The following STXBP4 variants were observed in gnomAD, a reference collection of about 807,000 sequenced individuals.
STXBP4 encodes syntaxin-binding protein 4.
Under a neutral mutation model 76.1 loss-of-function variants are expected in STXBP4, and 55 were observed. The ratio of observed to expected loss-of-function variants is 0.72; its 90% confidence interval spans 0.58 to 0.91. The LOEUF is 0.91. STXBP4 is among the 40% of genes least tolerant of loss of function. The probability of loss-of-function intolerance (pLI) is 0.00; values close to 1 mark genes in which losing one functional copy is unlikely to be tolerated. For synonymous variants in STXBP4, 201 were observed against 220.2 expected, an observed-to-expected ratio of 0.91 and a Z score of 0.77; for missense variants, 618 against 636.9, an observed-to-expected ratio of 0.97 and a Z score of 0.32.
intron 12 of STXBP4, among the ~76,000 whole-genome samples, chr17:55,059,117 CTTATT>C (rs1201107251): frequency 6.6e-6 from 1 of 151,820 alleles, no homozygotes; most frequent in African/African-American, 2.4e-5. Flanking sequence ...TTTGTCCATA[CTTATT>C]TTATGGACAA....
intron 16 of STXBP4, among the ~76,000 whole-genome samples, chr17:55,084,415 C>T (rs1218506509): frequency 1.3e-5 from 2 of 152,112 alleles, no homozygotes; most frequent in Non-Finnish European, 2.9e-5. Context: ...CGAAAATTTT[C>T]TCCCATTTTG....
chr17:55,024,629 A>C (rs183572186), intron 8 of STXBP4, among the ~76,000 whole-genome samples: 1 of 152,316 alleles, frequency 6.6e-6, no homozygotes, highest in Non-Finnish European at 1.5e-5. Context: ...CAATGGTGTA[A>C]CTAGACCATC....
At chr17:55,184,889 T>C in the STXBP4 span, among the ~76,000 whole-genome samples, 1 of 152,196 alleles carries the variant, frequency 6.6e-6, no homozygotes, top group African/African-American at 2.4e-5. Context: ...TGTTTGTTTG[T>C]TGAGATGGGG....
At chr17:55,137,504 A>G (rs865831121) in intron 16 of STXBP4, among the ~76,000 whole-genome samples, 18 of 152,108 alleles carry the variant, frequency 1.2e-4, no homozygotes, top group African/African-American at 4.1e-4. Flanking sequence ...AAACATATCT[A>G]TAGGATAAGT....
In STXBP4 at chr17:55,043,774, A is replaced by T. The variant is rs1018816130; in HGVS notation, c.945+449A>T. On this transcript the variant is annotated intron_variant, in intron 11 of 17. Transcript: ENST00000376352. ...GGAATTAATATTATTTTAGAGAGGA[A>T]AAAAACACACATATCCCAAATATAC... 6.1e-6 allele frequency: 5 copies of T among 816,980 alleles called. No individual in the cohort carries two copies. The Admixed American group carries it at 1.5e-4, about 25-fold the overall frequency. 50.6% of individuals were successfully genotyped at this position (816,980 alleles called of 1,614,324 possible).
At chr17:55,146,434 G>A (rs368424132) in intron 17 of STXBP4, among the ~76,000 whole-genome samples, 148 of 152,258 alleles carry the variant, frequency 9.7e-4, no homozygotes, top group East Asian at 9.1e-3. Context: ...TAGTGAGGCC[G>A]GGCGTGGTGG....
In STXBP4 at chr17:55,159,841, T is replaced by G; in HGVS notation, c.1592T>G (p.Val531Gly). 1 of 1,613,968 alleles carries G rather than the reference T, an allele frequency of 6.2e-7. No homozygotes were observed. Among genetic ancestry groups the G allele is most frequent in the Non-Finnish European group, 8.5e-7 (1 of 1,179,882 alleles). ...TTSWIHPVMSVLNLSRSEENE... is the reference protein window; with the variant it reads ...TTSWIHPVMSGLNLSRSEENE... ...TCCTGGATCCATCCCGTGATGAGTG[T>G]CCTGAATCTATCTCGCTCAGAGGAG... Residue 531 changes from valine to glycine, a missense_variant, in exon 18 of 18, where the codon GTC becomes GGC. Val to Gly is a moderately radical substitution (Grantham distance 109, BLOSUM62 -3). Transcript: ENST00000376352.
intron 12 of STXBP4, among the ~76,000 whole-genome samples, chr17:55,048,294 C>T (rs117374236): frequency 0.012 from 1,807 of 151,920 alleles, 73 homozygotes; most frequent in Admixed American, 0.083. Context: ...AATCCACCCA[C>T]CCTACCCTAT....
At chr17:55,126,710 G>A (rs569708714) in intron 16 of STXBP4, among the ~76,000 whole-genome samples, 4 of 152,298 alleles carry the variant, frequency 2.6e-5, no homozygotes, top group South Asian at 4.1e-4. Context: ...GGAGATTCTG[G>A]TGCGTGACTG....
intron 16 of STXBP4, among the ~76,000 whole-genome samples, chr17:55,134,548 G>GT (rs1378601571): frequency 6.6e-6 from 1 of 152,104 alleles, no homozygotes; most frequent in African/African-American, 2.4e-5. Context: ...GATGTATGGG[G>GT]TGGGGAGCCC....
In STXBP4 at chr17:54,985,597, T is replaced by C. The variant is rs1300638321; in HGVS notation, c.-156-17T>C. 2 of 152,092 alleles carry C rather than the reference T, an allele frequency of 1.3e-5. No individual in the cohort carries two copies. The highest frequency in any genetic ancestry group is 1.3e-4 in the Admixed American group (2 of 15,280). The allele number at this position is 152,092 out of a possible 1,614,324, so 9.4% of individuals were successfully genotyped here. On this transcript the variant is annotated splice_polypyrimidine_tract_variant and intron_variant, in intron 1 of 17. Coordinates refer to ENST00000376352, the MANE Select transcript of STXBP4 (RefSeq NM_178509.6). ...AACAATATAAGACATTAAAAGCATA[T>C]TTTTTTCTCTTCATAGGAAAGCCAT...
chr17:54,996,471 T>C (rs1221146051), intron 4 of STXBP4, among the ~76,000 whole-genome samples: 1 of 152,046 alleles, frequency 6.6e-6, no homozygotes, highest in East Asian at 1.9e-4. Context: ...CTCAATCTAA[T>C]GAGTAATATA....
At chr17:55,154,193 G>C (rs2080251044) in intron 17 of STXBP4, among the ~76,000 whole-genome samples, 1 of 152,126 alleles carries the variant, frequency 6.6e-6, no homozygotes, top group African/African-American at 2.4e-5. Context: ...TTCGGTTGGC[G>C]GATAATGAGT....
At chr17:55,073,226 T>C (rs1488397559) in intron 13 of STXBP4, 150 bp downstream of exon 13, 3 of 741,732 alleles carry the variant, frequency 4.0e-6, no homozygotes, top group Non-Finnish European at 6.5e-6. Context: ...CTGATGGGGA[T>C]AATGTAAAGG....
At chr17:55,031,359 A>C in intron 9 of STXBP4, 95 bp downstream of exon 9, 1 of 1,030,584 alleles carries the variant, frequency 9.7e-7, no homozygotes, top group South Asian at 1.5e-5. Flanking sequence ...CTTTAGAAGG[A>C]GAGAATGAAA....
chr17:55,174,866 TA>T (rs1010777611), downstream of STXBP4, among the ~76,000 whole-genome samples: 1 of 152,160 alleles, frequency 6.6e-6, no homozygotes, highest in Admixed American at 6.5e-5. Flanking sequence ...TTTAATCTAT[TA>T]AAAAATGTCA....
At chr17:55,021,379 C>T (rs2078306349) in intron 8 of STXBP4, among the ~76,000 whole-genome samples, 1 of 151,964 alleles carries the variant, frequency 6.6e-6, no homozygotes, top group Admixed American at 6.6e-5. Flanking sequence ...TAAAAATTAG[C>T]CAGTTGTGGT....
chr17:55,086,210 T>C (rs2079325841), intron 16 of STXBP4, among the ~76,000 whole-genome samples: 1 of 152,204 alleles, frequency 6.6e-6, no homozygotes. Flanking sequence ...ATTTCCAGGC[T>C]GGTTATAAAT....
At chr17:55,086,789 G>C (rs1215063485) in intron 16 of STXBP4, among the ~76,000 whole-genome samples, 1 of 152,094 alleles carries the variant, frequency 6.6e-6, no homozygotes, top group Non-Finnish European at 1.5e-5. Flanking sequence ...CCCAGTAGTA[G>C]GATTGCTGAC....
Sources: allele counts gnomAD v4.1 joint callset (sites outside exome capture counted in the v4.1 genomes callset), GRCh38; gene constraint gnomAD v4.1.1; transcripts MANE v1.5; gene names NCBI Gene and HGNC (gene_info 2026-07-23, HGNC 2026-07-21).